Variants in NTRK2 observed in about 807,000 individuals in gnomAD.
NTRK2 encodes the protein neurotrophic receptor tyrosine kinase 2, also known as BDNF/NT-3 growth factors receptor.
Under a neutral mutation model 94.5 loss-of-function variants are expected in NTRK2, and 13 were observed. The ratio of observed to expected loss-of-function variants is 0.14; its 90% CI spans 0.09 to 0.22. The LOEUF (loss-of-function observed/expected upper bound fraction) is 0.22, where lower values mean the gene tolerates loss of function less well. Ranked by LOEUF, NTRK2 falls within the 10% of genes least tolerant of loss-of-function variation. NTRK2 has a pLI of 1.00. For missense variants in NTRK2, 639 were observed against 1,071.2 expected (o/e 0.60, Z 5.63); for synonymous variants, 372 against 407.4 (o/e 0.91, Z 1.05).
intron 12 of NTRK2, among the ~76,000 whole-genome samples, chr9:84,777,924 A>G (rs368474619): frequency 6.6e-6 from 1 of 152,208 alleles, no homozygotes; most frequent in Non-Finnish European, 1.5e-5. Context: ...GACAGCCTAC[A>G]TGATCTTTTG....
Position 84,670,688 on chromosome 9 carries a change from T to C in NTRK2, c.-61T>C, listed in dbSNP as rs77821498. The C allele has an allele frequency of 1.4e-5, 22 of 1,544,374 alleles. 1 individual carries two copies. In the African/African-American group the frequency reaches 2.9e-4, roughly 20 times the overall value. On this transcript the variant is annotated 5_prime_UTR_variant, in exon 2 of 19. Coordinates refer to ENST00000277120, the MANE Select transcript of NTRK2 (RefSeq NM_006180.6). ...CGCAGGGAAGGCCTCCCCGCACGGG[T>C]GGGGGAAAGCGGCCGGTGCAGCGCG...
rs559031678 is a variant in NTRK2, at chr9:84,851,601, G to A, written c.1397-9439G>A. Reference sequence around the variant, plus strand: ...ACATTTCCTGACTTTGGCTGGATTCGAATGTGGTTATGGGATGGGAAGGGA... The same window carrying A: ...ACATTTCCTGACTTTGGCTGGATTCAAATGTGGTTATGGGATGGGAAGGGA... On this transcript the variant is annotated intron_variant, in intron 12 of 18. Transcript: ENST00000277120. Among the ~76,000 whole-genome samples the A allele has an allele frequency of 7.2e-5, 11 of 152,202 alleles. No individual in the cohort carries two copies. The South Asian group carries it at 1.7e-3, about 23-fold the overall frequency.
intron 14 of NTRK2, among the ~76,000 whole-genome samples, chr9:84,933,181 C>A (rs1482125134): frequency 6.6e-6 from 1 of 152,196 alleles, no homozygotes; most frequent in Non-Finnish European, 1.5e-5. Context: ...ACAAGGAGTT[C>A]AGAAAATAAT....
intron 2 of NTRK2, among the ~76,000 whole-genome samples, chr9:84,677,072 G>A (rs1437702672): frequency 6.6e-6 from 1 of 152,140 alleles, no homozygotes; most frequent in Admixed American, 6.5e-5. Context: ...CAGCAATGAG[G>A]TATGCTAACC....
chr9:84,816,506 C>T (rs1202245333), intron 12 of NTRK2, among the ~76,000 whole-genome samples: 5 of 151,954 alleles, frequency 3.3e-5, no homozygotes, highest in African/African-American at 1.2e-4. Flanking sequence ...TTGGGCTGGG[C>T]GTGGCGGCTC....
intron 12 of NTRK2, chr9:84,813,564 C>G: frequency 9.4e-7 from 1 of 1,065,412 alleles, no homozygotes; most frequent in Non-Finnish European, 1.1e-6. Flanking sequence ...AGTTTAACAG[C>G]CCAGTTATCT....
intron 2 of NTRK2, among the ~76,000 whole-genome samples, chr9:84,697,395 C>T (rs1341932507): frequency 6.6e-6 from 1 of 152,150 alleles, no homozygotes; most frequent in Non-Finnish European, 1.5e-5. Context: ...AGAGAAATCT[C>T]CTGGTTGGGG....
At chr9:84,880,322 C>T (rs935388830) in intron 14 of NTRK2, among the ~76,000 whole-genome samples, 1 of 152,138 alleles carries the variant, frequency 6.6e-6, no homozygotes, top group Admixed American at 6.5e-5. Flanking sequence ...ACCCACAGCT[C>T]CTGGGCAGGG....
chr9:84,705,576 A>T (rs2060999519), intron 4 of NTRK2, among the ~76,000 whole-genome samples: 1 of 152,134 alleles, frequency 6.6e-6, no homozygotes, highest in Non-Finnish European at 1.5e-5. Context: ...TTACCAGCAG[A>T]CAGGGAGACC....
chr9:84,799,319 G>T (rs1188581010), intron 12 of NTRK2, among the ~76,000 whole-genome samples: 2 of 152,086 alleles, frequency 1.3e-5, no homozygotes, highest in African/African-American at 4.8e-5. Flanking sequence ...AAAAAATTAG[G>T]ATGATAGTGG....
chr9:84,689,885 A>G (rs992377293), intron 2 of NTRK2, among the ~76,000 whole-genome samples: 2 of 152,230 alleles, frequency 1.3e-5, no homozygotes, highest in African/African-American at 4.8e-5. Flanking sequence ...CTTTTTGAAC[A>G]GTAATATATC....
intron 16 of NTRK2, among the ~76,000 whole-genome samples, chr9:84,954,830 TG>T (rs2132964300): frequency 6.6e-6 from 1 of 152,150 alleles, no homozygotes; most frequent in South Asian, 2.1e-4. Flanking sequence ...TGGGAAGGGG[TG>T]GGGACCCACT....
chr9:84,684,327 GT>G (rs890729929), intron 2 of NTRK2, among the ~76,000 whole-genome samples: 5 of 152,150 alleles, frequency 3.3e-5, no homozygotes, highest in African/African-American at 1.2e-4. Context: ...ATGGTTTTGG[GT>G]TTTACATTTA....
intron 6 of NTRK2, 79 bp from the exon 7 acceptor site, chr9:84,723,494 G>A: frequency 6.6e-7 from 1 of 1,519,476 alleles, no homozygotes; most frequent in Non-Finnish European, 9.1e-7. Context: ...AGCATAAACA[G>A]TTTTCAATTT....
At chr9:84,807,450 C>T (rs1483923715) in intron 12 of NTRK2, among the ~76,000 whole-genome samples, 1 of 152,180 alleles carries the variant, frequency 6.6e-6, no homozygotes, top group Non-Finnish European at 1.5e-5. Context: ...CTGCTTTATC[C>T]TTGTTCCTAT....
intron 17 of NTRK2, among the ~76,000 whole-genome samples, chr9:84,986,837 A>G (rs1365139004): frequency 6.6e-6 from 1 of 152,244 alleles, no homozygotes; most frequent in Non-Finnish European, 1.5e-5. Context: ...ACTGTGTTTA[A>G]GTCCAGAAAG....
At chr9:84,914,879 T>G (rs2132521042) in intron 14 of NTRK2, among the ~76,000 whole-genome samples, 1 of 152,292 alleles carries the variant, frequency 6.6e-6, no homozygotes, top group South Asian at 2.1e-4. Context: ...CTTTCAGTCT[T>G]CTTATGTTTG....
intron 17 of NTRK2, among the ~76,000 whole-genome samples, chr9:84,957,877 C>T (rs751303499): frequency 1.2e-4 from 18 of 152,118 alleles, no homozygotes; most frequent in Admixed American, 5.2e-4. Flanking sequence ...AAACAAAATG[C>T]GGTAATCCAT....
At chr9:84,728,978 A>C (rs1357299792) in intron 9 of NTRK2, among the ~76,000 whole-genome samples, 1 of 152,200 alleles carries the variant, frequency 6.6e-6, no homozygotes, top group Non-Finnish European at 1.5e-5. Context: ...AGAGTTCCTC[A>C]TCAGAGTAGC....
Sources: gnomAD v4.1 joint callset for allele counts (sites outside exome capture counted in the v4.1 genomes callset) on GRCh38, gnomAD v4.1.1 for gene constraint, MANE v1.5 for transcripts, NCBI Gene and HGNC (gene_info 2026-07-23, HGNC 2026-07-21) for gene names.